The following MTDH variants were observed in gnomAD, a reference collection of about 807,000 sequenced individuals.
MTDH encodes the protein protein LYRIC.
A neutral mutation model predicts 72.7 loss-of-function variants in MTDH; 34 were observed. That is an observed-to-expected ratio of 0.47 (90% CI 0.36 to 0.62). The LOEUF (loss-of-function observed/expected upper bound fraction) is 0.62. Among genes scored for constraint, MTDH ranks in the 20% least tolerant of loss-of-function variants. MTDH has a pLI of 0.00. For synonymous variants in MTDH, 266 were observed against 268.9 expected, an observed-to-expected ratio of 0.99 and a Z score of 0.10; for missense variants, 677 against 699.4, an observed-to-expected ratio of 0.97 and a Z score of 0.36.
chr8:97,681,495 T>TTC, intron 2 of MTDH, among the ~76,000 whole-genome samples: 1 of 147,914 alleles, frequency 6.8e-6, no homozygotes, highest in Admixed American at 6.7e-5. Flanking sequence ...TTTTTTCTTT[T>TTC]TTTTTTTTTT....
intron 2 of MTDH, among the ~76,000 whole-genome samples, chr8:97,666,872 T>TTTTGTA (rs1386992489): frequency 2.6e-5 from 4 of 152,126 alleles, no homozygotes; most frequent in African/African-American, 9.7e-5. Context: ...GATTTTTGTA[T>TTTTGTA]TTTTAGTAGA....
chr8:97,695,971 C>G (rs1813819897), intron 6 of MTDH, among the ~76,000 whole-genome samples: 1 of 152,174 alleles, frequency 6.6e-6, no homozygotes. Context: ...TAGCTATCAG[C>G]AAGTCACTTA....
chr8:97,651,584 C>G (rs917544908), intron 1 of MTDH, among the ~76,000 whole-genome samples: 3 of 152,144 alleles, frequency 2.0e-5, no homozygotes, highest in Admixed American at 6.5e-5. Context: ...TGTGCGTGTC[C>G]AGAAATGACC....
intron 1 of MTDH, among the ~76,000 whole-genome samples, chr8:97,645,932 G>T (rs984774530): frequency 5.3e-5 from 8 of 152,172 alleles, no homozygotes; most frequent in Admixed American, 2.6e-4. Context: ...CAGTACGAAG[G>T]CCCTACCATG....
At chr8:97,677,180 CAAAAAAAAA>C (rs71271142) in intron 2 of MTDH, among the ~76,000 whole-genome samples, 1 of 44,108 alleles carries the variant, frequency 2.3e-5, no homozygotes, top group African/African-American at 1.1e-4. Context: ...AAGCCTGTCT[CAAAAAAAAA>C]AAAAAAAAAA....
intron 1 of MTDH, among the ~76,000 whole-genome samples, chr8:97,657,665 G>A (rs1024406130): frequency 2.0e-5 from 3 of 151,708 alleles, no homozygotes; most frequent in Non-Finnish European, 4.4e-5. Flanking sequence ...CACCACACCC[G>A]GCTATTTTTT....
chr8:97,702,914 A>G (rs1814192844), intron 7 of MTDH, among the ~76,000 whole-genome samples: 1 of 152,258 alleles, frequency 6.6e-6, no homozygotes, highest in Non-Finnish European at 1.5e-5. Context: ...TACCCTTTTG[A>G]AAAGAAAACC....
chr8:97,704,285 C>T lies in MTDH; in HGVS notation c.1148-2341C>T, dbSNP rs74680686. Among the ~76,000 whole-genome samples the T allele has an allele frequency of 7.2e-3, 1,098 of 152,338 alleles. 30 individuals are homozygous for T. The East Asian group carries it at 0.096, about 13-fold the overall frequency. ...ATAGACAGACTACAAGCTGCACGTG[C>T]AGAAGGATTCTATTTTACTTGTTTT... On this transcript the variant is annotated intron_variant, in intron 7 of 11. Coordinates refer to ENST00000336273, the MANE Select transcript of MTDH (RefSeq NM_178812.4).
rs554779193 is a variant in MTDH at position 97,708,789 on chromosome 8, G to A, written c.1272+2039G>A. 7.4e-5 allele frequency among the ~76,000 whole-genome samples: 11 copies of A among 149,216 alleles called. No homozygotes were observed. The South Asian group carries it at 2.1e-3, about 29-fold the overall frequency. ...TAATTTTTGTGTTTTTAGTACAGAC[G>A]AGTTTTTGCCATGTTAGCCAGGCTG... On this transcript the variant is annotated intron_variant, in intron 8 of 11. Coordinates refer to ENST00000336273, the MANE Select transcript of MTDH (RefSeq NM_178812.4).
chr8:97,707,485 C>T (rs1260747807), intron 8 of MTDH, among the ~76,000 whole-genome samples: 2 of 124,864 alleles, frequency 1.6e-5, no homozygotes, highest in East Asian at 2.2e-4. Context: ...AGATGGTGTC[C>T]TCAAACTCCT....
In MTDH at chr8:97,724,643, G is replaced by A. The variant is rs768363342; in HGVS notation, c.1722G>A (p.Lys574=). 6.3e-7 allele frequency: 1 copy of A among 1,593,580 alleles called. No homozygotes were observed. Among genetic ancestry groups the A allele is most frequent in the Admixed American group, 1.9e-5 (1 of 53,468 alleles). The change falls in exon 12 of 12, where the codon AAG becomes AAA. Residue 574 remains lysine, a synonymous_variant. Coordinates refer to ENST00000336273, the MANE Select transcript of MTDH (RefSeq NM_178812.4). The part of the protein sequence containing the change: ...TSWESPKQIK[K]KKKARRET ...GGGAATCTCCCAAACAAATAAAAAA[G>A]AAGAAAAAAGCCAGACGAGAAACGT...
At chr8:97,714,075 C>G (rs1814748426) in intron 9 of MTDH, among the ~76,000 whole-genome samples, 1 of 151,938 alleles carries the variant, frequency 6.6e-6, no homozygotes, top group Non-Finnish European at 1.5e-5. Context: ...TACAAAAATT[C>G]CTTTTGAGTA....
rs565176281 is a variant in MTDH at position 97,644,186 on chromosome 8, G to C, written c.-321G>C. 835 of 265,802 alleles carry C rather than the reference G, an allele frequency of 3.1e-3. 3 individuals carry two copies. The highest frequency in any genetic ancestry group is 5.2e-3 in the Non-Finnish European group (733 of 141,440). The allele number at this position is 265,802 out of a possible 1,614,324, so 16.5% of individuals were successfully genotyped here. A position where few individuals can be genotyped will look rare whatever the true frequency, so the allele number is the denominator to read the frequency against. ...GCGCGCGGCGTGGATCGCGGCCCAA[G>C]CCGCCATTGTTCCGCCGAGGGAGGA... On this transcript the variant is annotated 5_prime_UTR_variant, in exon 1 of 12. Coordinates refer to ENST00000336273, the MANE Select transcript of MTDH (RefSeq NM_178812.4).
chr8:97,667,359 T>C (rs1027933795), intron 2 of MTDH, among the ~76,000 whole-genome samples: 2 of 152,266 alleles, frequency 1.3e-5, no homozygotes, highest in African/African-American at 2.4e-5. Flanking sequence ...AAAATTATTA[T>C]TAGCTTTATT....
At position 97,657,225 on chromosome 8, in the gene MTDH, A is replaced by G. The variant is rs543074886; in HGVS notation, c.382-3847A>G. On this transcript the variant is annotated intron_variant, in intron 1 of 11. Coordinates refer to ENST00000336273, the MANE Select transcript of MTDH (RefSeq NM_178812.4). ...CAAGAAGGTAAACATGGTGATGTCT[A>G]CAAGGAGTTTATCCATCAAAATAAA... Among the ~76,000 whole-genome samples the G allele has an allele frequency of 1.9e-3, 284 of 152,330 alleles. 1 individual carries two copies. Among genetic ancestry groups the G allele is most frequent in the South Asian group, 2.9e-3 (14 of 4,830 alleles).
intron 2 of MTDH, among the ~76,000 whole-genome samples, chr8:97,685,039 C>G (rs1813305875): frequency 6.6e-6 from 1 of 152,184 alleles, no homozygotes; most frequent in South Asian, 2.1e-4. Flanking sequence ...GCAGTCCAGC[C>G]TGGGTGACAG....
chr8:97,675,186 G>T (rs1201062375), intron 2 of MTDH, among the ~76,000 whole-genome samples: 1 of 152,096 alleles, frequency 6.6e-6, no homozygotes, highest in Non-Finnish European at 1.5e-5. Context: ...TGTTTATAGG[G>T]CTATAAATAT....
intron 8 of MTDH, among the ~76,000 whole-genome samples, chr8:97,707,449 CTTTTTTTTTTT>C (rs35528230): frequency 7.5e-5 from 6 of 80,218 alleles, no homozygotes; most frequent in South Asian, 4.4e-4. Flanking sequence ...CATGCCTGGC[CTTTTTTTTTTT>C]TTTTTTTTTT....
intron 1 of MTDH, among the ~76,000 whole-genome samples, chr8:97,655,310 A>G (rs1292713556): frequency 6.6e-6 from 1 of 152,156 alleles, no homozygotes; most frequent in Admixed American, 6.6e-5. Flanking sequence ...ATTGAGCCTT[A>G]TCTTTGTTTC....
Sources: gnomAD v4.1 joint callset for allele counts (sites outside exome capture counted in the v4.1 genomes callset) on GRCh38, gnomAD v4.1.1 for gene constraint, MANE v1.5 for transcripts, NCBI Gene and HGNC (gene_info 2026-07-23, HGNC 2026-07-21) for gene names.